The following KALRN variants were observed in gnomAD, a reference collection of about 807,000 sequenced individuals.
The protein encoded by KALRN is kalirin.
Under a neutral mutation model 353.7 loss-of-function variants are expected in KALRN, and 70 were observed. The observed-to-expected ratio is 0.20, with a 90% CI of 0.16 to 0.24. The LOEUF is 0.24. KALRN is among the 10% of genes least tolerant of loss of function. KALRN has a pLI of 1.00. For missense variants in KALRN, 2,791 were observed against 3,756.7 expected, an observed-to-expected ratio of 0.74 and a Z score of 6.72; for synonymous variants, 1,391 against 1,434.8, an observed-to-expected ratio of 0.97 and a Z score of 0.69.
chr3:124,184,733 A>G (rs1197738669), intron 1 of KALRN, among the ~76,000 whole-genome samples: 2 of 152,236 alleles, frequency 1.3e-5, no homozygotes, highest in African/African-American at 4.8e-5. Context: ...AGAGATACCC[A>G]GAAGGCTGGA....
At chr3:124,324,420 TAG>T (rs539609678) in intron 6 of KALRN, among the ~76,000 whole-genome samples, 68 of 152,290 alleles carry the variant, frequency 4.5e-4, no homozygotes, top group Admixed American at 1.4e-3. Flanking sequence ...GTTCCATAAA[TAG>T]AGTTTAATTT....
intron 57 of KALRN, among the ~76,000 whole-genome samples, chr3:124,706,704 G>C (rs2062633867): frequency 6.6e-6 from 1 of 151,930 alleles, no homozygotes; most frequent in Admixed American, 6.6e-5. Flanking sequence ...CGAGCAGCTG[G>C]AATTACAGGT....
At chr3:124,145,296 G>A (rs1233454170) in intron 1 of KALRN, among the ~76,000 whole-genome samples, 2 of 152,314 alleles carry the variant, frequency 1.3e-5, no homozygotes, top group South Asian at 2.1e-4. Context: ...GGATGGGAGA[G>A]TGTTCTAAAT....
At chr3:124,685,270 T>C (rs931025995) in intron 51 of KALRN, among the ~76,000 whole-genome samples, 7 of 152,326 alleles carry the variant, frequency 4.6e-5, no homozygotes, top group African/African-American at 1.7e-4. Flanking sequence ...GACCGATTTA[T>C]ATTCCGCCAC....
At chr3:124,696,627 C>T (rs1361534977) in intron 54 of KALRN, among the ~76,000 whole-genome samples, 6 of 152,212 alleles carry the variant, frequency 3.9e-5, no homozygotes, top group Admixed American at 3.3e-4. Context: ...GCAATCCTCC[C>T]GTCTTGGCCT....
intron 1 of KALRN, among the ~76,000 whole-genome samples, chr3:124,042,330 G>A (rs1021250389): frequency 3.9e-5 from 6 of 152,156 alleles, no homozygotes; most frequent in Admixed American, 3.9e-4. Context: ...TGAATGGAAG[G>A]CCAATGAATT....
intron 17 of KALRN, among the ~76,000 whole-genome samples, chr3:124,437,689 CAAAAAAAAAAAAAAAAA>C (rs397876079): frequency 4.1e-5 from 2 of 48,328 alleles, no homozygotes; most frequent in African/African-American, 1.7e-4. Context: ...GATTCCGTCT[CAAAAAAAAAAAAAAAAA>C]AAAAAAAAAG....
At position 124,430,767 on chromosome 3, in the gene KALRN, G is replaced by A. The variant is rs1005052466; in HGVS notation, c.2821G>A (p.Ala941Thr). The part of the protein sequence containing the change: ...LQREHEQFQL[A>T]IESLFHATSL... ...GCGGGAGCACGAGCAGTTCCAACTG[G>A]CCATCGAGGTAACACCCAAATCTGG... Residue 941 changes from alanine to threonine, a missense_variant, in exon 16 of 60, where the codon GCC becomes ACC. Around this residue, in one of 11 missense-constraint regions of KALRN, gnomAD observed 452 missense variants for 575.8 expected, o/e 0.78. Coordinates refer to ENST00000682506, the MANE Select transcript of KALRN (RefSeq NM_001388419.1). 1.2e-6 allele frequency: 2 copies of A among 1,613,660 alleles called. No homozygotes were observed. The highest frequency in any genetic ancestry group is 2.7e-5 in the African/African-American group (2 of 74,934).
At chr3:124,036,032 G>T (rs1304494723) in intron 1 of KALRN, among the ~76,000 whole-genome samples, 1 of 152,114 alleles carries the variant, frequency 6.6e-6, no homozygotes, top group Non-Finnish European at 1.5e-5. Context: ...GCTCTTGCTG[G>T]GGATTCTTCT....
At chr3:124,176,217 T>G (rs2072721526) in intron 1 of KALRN, among the ~76,000 whole-genome samples, 1 of 152,244 alleles carries the variant, frequency 6.6e-6, no homozygotes, top group South Asian at 2.1e-4. Flanking sequence ...GAACAGTGAC[T>G]TGGCCTGGAT....
At chr3:124,181,680 A>C (rs751206838) in intron 1 of KALRN, among the ~76,000 whole-genome samples, 4 of 152,142 alleles carry the variant, frequency 2.6e-5, no homozygotes, top group Non-Finnish European at 5.9e-5. Context: ...GAGGGAGAGG[A>C]ATCTTTTGCT....
chr3:124,517,423 C>T (rs1306019130), intron 33 of KALRN, among the ~76,000 whole-genome samples: 3 of 152,188 alleles, frequency 2.0e-5, no homozygotes, highest in African/African-American at 7.2e-5. Context: ...GAACCTTTCA[C>T]ATCATGGAGC....
At chr3:124,666,716 T>C in intron 46 of KALRN, 82 bp downstream of exon 46, 1 of 1,145,962 alleles carries the variant, frequency 8.7e-7, no homozygotes, top group East Asian at 2.4e-5. Context: ...GGCCCTGGAG[T>C]TGTGACATCC....
intron 1 of KALRN, among the ~76,000 whole-genome samples, chr3:124,187,447 A>C (rs1433765219): frequency 6.6e-6 from 1 of 152,198 alleles, no homozygotes; most frequent in Non-Finnish European, 1.5e-5. Flanking sequence ...GGCATATGTC[A>C]GGAAGGTGAG....
chr3:124,121,093 C>CAAAAAAA (rs35883031), intron 1 of KALRN, among the ~76,000 whole-genome samples: 23 of 74,988 alleles, frequency 3.1e-4, no homozygotes, highest in East Asian at 4.7e-4. Flanking sequence ...GACTCCATCT[C>CAAAAAAA]AAAAAAAAAA....
intron 9 of KALRN, among the ~76,000 whole-genome samples, chr3:124,339,156 G>A (rs1431296079): frequency 1.3e-5 from 2 of 152,198 alleles, no homozygotes; most frequent in East Asian, 3.9e-4. Flanking sequence ...TCCAGAAACA[G>A]ACAGCAAGGT....
At chr3:124,574,869 C>T (rs535083228) in intron 34 of KALRN, among the ~76,000 whole-genome samples, 68 of 152,312 alleles carry the variant, frequency 4.5e-4, no homozygotes, top group Non-Finnish European at 8.4e-4. Flanking sequence ...CCTTGAGGAG[C>T]AGCCCTTGCA....
At chr3:124,266,427 G>A (rs1478624118) in intron 4 of KALRN, among the ~76,000 whole-genome samples, 1 of 152,126 alleles carries the variant, frequency 6.6e-6, no homozygotes, top group Non-Finnish European at 1.5e-5. Flanking sequence ...AGGAAAACAT[G>A]TTTTTAAACT....
chr3:124,505,287 T>C (rs2065081446), intron 33 of KALRN, among the ~76,000 whole-genome samples: 1 of 152,136 alleles, frequency 6.6e-6, no homozygotes, highest in South Asian at 2.1e-4. Flanking sequence ...GGAAGTGTGG[T>C]ACCTAGAGGC....
Sources: gnomAD v4.1 joint callset for allele counts (sites outside exome capture counted in the v4.1 genomes callset) on GRCh38, gnomAD v4.1.1 for gene constraint, gnomAD v4.1.1 regional missense constraint, MANE v1.5 for transcripts, NCBI Gene and HGNC (gene_info 2026-07-23, HGNC 2026-07-21) for gene names.